The following COP1 variants were observed in gnomAD, a reference collection of about 807,000 sequenced individuals.
COP1 encodes COP1 E3 ubiquitin ligase.
COP1 carries 24 observed loss-of-function variants against 101.3 expected under a neutral mutation model. The ratio of observed to expected loss-of-function variants is 0.24; its 90% CI spans 0.17 to 0.33. COP1 has a LOEUF of 0.33. Among genes scored for constraint, COP1 ranks in the 10% least tolerant of loss-of-function variants. The pLI is 1.00. For missense variants in COP1, 663 were observed against 906.2 expected (o/e 0.73, Z 3.45); for synonymous variants, 347 against 341.9 (o/e 1.01, Z -0.17).
At chr1:176,002,970 C>T (rs1571570037) in intron 15 of COP1, among the ~76,000 whole-genome samples, 1 of 149,616 alleles carries the variant, frequency 6.7e-6, no homozygotes, top group Non-Finnish European at 1.5e-5. Context: ...TACAGTCCCA[C>T]CAACAGTGTA....
intron 18 of COP1, among the ~76,000 whole-genome samples, chr1:175,975,252 ATAT>A (rs1016087046): frequency 4.7e-4 from 72 of 152,234 alleles, no homozygotes; most frequent in Admixed American, 2.4e-3. Context: ...CAATTTACTA[ATAT>A]TATCCCCCAC....
intron 9 of COP1, among the ~76,000 whole-genome samples, chr1:176,103,674 A>T (rs1046432865): frequency 1.3e-5 from 2 of 152,208 alleles, no homozygotes; most frequent in African/African-American, 4.8e-5. Flanking sequence ...TCAGATGCTA[A>T]ATCTGTATTT....
intron 11 of COP1, among the ~76,000 whole-genome samples, chr1:176,066,865 A>C (rs1280499522): frequency 6.6e-6 from 1 of 152,134 alleles, no homozygotes; most frequent in East Asian, 1.9e-4. Context: ...AGTAAGTTAC[A>C]TGTGATTGAT....
chr1:176,054,161 CTTTT>C (rs71129544), intron 11 of COP1, among the ~76,000 whole-genome samples: 11 of 124,132 alleles, frequency 8.9e-5, no homozygotes, highest in Non-Finnish European at 1.6e-4. Context: ...GCAAATTATT[CTTTT>C]TTTTTTTTTT....
chr1:176,200,010 T>C (rs1184248156), intron 1 of COP1, among the ~76,000 whole-genome samples: 3 of 152,188 alleles, frequency 2.0e-5, no homozygotes, highest in South Asian at 2.1e-4. Context: ...TTTGTAATAG[T>C]GGTTAAGAAC....
At chr1:176,172,317 T>C (rs1451906203) in intron 3 of COP1, among the ~76,000 whole-genome samples, 5 of 152,228 alleles carry the variant, frequency 3.3e-5, no homozygotes, top group Non-Finnish European at 7.3e-5. Context: ...GTTAGGATTA[T>C]AGGTTTGAGC....
intron 18 of COP1, among the ~76,000 whole-genome samples, chr1:175,985,794 A>G (rs539502130): frequency 6.6e-6 from 1 of 152,304 alleles, no homozygotes; most frequent in South Asian, 2.1e-4. Context: ...GGGTTGGTCC[A>G]AATTACCTAG....
At chr1:176,056,065 C>T (rs973086018) in intron 11 of COP1, among the ~76,000 whole-genome samples, 3 of 152,052 alleles carry the variant, frequency 2.0e-5, no homozygotes, top group Non-Finnish European at 4.4e-5. Flanking sequence ...CATTTTGATC[C>T]CAGCGTTGCC....
chr1:176,006,699 G>A lies in COP1; in HGVS notation c.1730-17220C>T, dbSNP rs1008520047. On this transcript the variant is annotated intron_variant, in intron 15 of 19. Coordinates refer to ENST00000367669, the MANE Select transcript of COP1 (RefSeq NM_022457.7). ...GCACCCACTCTCTTCTGGCTTGTAG[G>A]GTTTCTGCCGAGAGATCCGCTGTTA... Among the ~76,000 whole-genome samples, 83 of 152,086 alleles carry A rather than the reference G, an allele frequency of 5.5e-4. 1 individual carries two copies. The highest frequency in any genetic ancestry group is 2.6e-3 in the Admixed American group (40 of 15,260).
intron 6 of COP1, among the ~76,000 whole-genome samples, chr1:176,137,315 T>C (rs1689963358): frequency 6.6e-6 from 1 of 152,192 alleles, no homozygotes; most frequent in South Asian, 2.1e-4. Context: ...CAAACTATCA[T>C]ATATAATTCT....
intron 15 of COP1, among the ~76,000 whole-genome samples, chr1:176,027,304 A>C (rs1344637324): frequency 1.3e-5 from 2 of 152,194 alleles, no homozygotes; most frequent in Non-Finnish European, 2.9e-5. Context: ...ATAAGTAATA[A>C]GCATTAATTC....
At chr1:176,064,712 G>A (rs1198917323) in intron 11 of COP1, among the ~76,000 whole-genome samples, 1 of 151,948 alleles carries the variant, frequency 6.6e-6, no homozygotes, top group Non-Finnish European at 1.5e-5. Flanking sequence ...GGGGTTCACT[G>A]GTGTGATCAT....
intron 15 of COP1, among the ~76,000 whole-genome samples, chr1:176,009,521 A>G (rs1000178831): frequency 1.3e-5 from 2 of 152,184 alleles, no homozygotes; most frequent in African/African-American, 4.8e-5. Context: ...GTTTTACAGT[A>G]GCTAAAAATT....
intron 9 of COP1, among the ~76,000 whole-genome samples, chr1:176,098,836 G>C (rs1377274248): frequency 1.3e-5 from 2 of 152,068 alleles, no homozygotes; most frequent in African/African-American, 4.8e-5. Flanking sequence ...TTTCAAAATT[G>C]TCTTTCCTGA....
intron 15 of COP1, among the ~76,000 whole-genome samples, chr1:176,020,043 T>TGGCCAGGCATG (rs1666471819): frequency 6.6e-6 from 1 of 152,096 alleles, no homozygotes; most frequent in Admixed American, 6.6e-5. Context: ...ACTTCATACT[T>TGGCCAGGCATG]GGCCAGGCAT....
intron 11 of COP1, among the ~76,000 whole-genome samples, chr1:176,062,176 G>A (rs554220051): frequency 6.6e-6 from 1 of 151,948 alleles, no homozygotes; most frequent in East Asian, 1.9e-4. Context: ...AATTTTTTTT[G>A]TGTTTTTAGT....
intron 8 of COP1, 43 bp from the exon 9 acceptor site, chr1:176,116,724 T>A: frequency 7.3e-7 from 1 of 1,367,272 alleles, no homozygotes; most frequent in Non-Finnish European, 1.0e-6. Flanking sequence ...GTATTTACAT[T>A]ATTTTAACAA....
intron 18 of COP1, among the ~76,000 whole-genome samples, chr1:175,961,224 C>T (rs1651300392): frequency 2.6e-5 from 4 of 152,188 alleles, no homozygotes; most frequent in Non-Finnish European, 5.9e-5. Context: ...AATAAAAACC[C>T]TGTCATAGAT....
intron 11 of COP1, among the ~76,000 whole-genome samples, chr1:176,079,644 A>G (rs1304559998): frequency 6.6e-6 from 1 of 152,086 alleles, no homozygotes; most frequent in African/African-American, 2.4e-5. Flanking sequence ...AATTAAAAAA[A>G]AAAGGTTCAA....
Sources: gnomAD v4.1 joint callset for allele counts (sites outside exome capture counted in the v4.1 genomes callset) on GRCh38, gnomAD v4.1.1 for gene constraint, MANE v1.5 for transcripts, NCBI Gene and HGNC (gene_info 2026-07-23, HGNC 2026-07-21) for gene names.